FGD4: variants seen among roughly 807,000 people sequenced by gnomAD.
The protein encoded by FGD4 is FYVE, RhoGEF and PH domain containing 4, also known as FYVE, RhoGEF and PH domain-containing protein 4.
Under a neutral mutation model 102.0 loss-of-function variants are expected in FGD4, and 42 were observed. That is an observed-to-expected ratio of 0.41 (90% CI 0.32 to 0.53). The LOEUF is 0.53. Among genes scored for constraint, FGD4 ranks in the 20% least tolerant of loss-of-function variants. The probability of loss-of-function intolerance (pLI) is 0.21; values close to 1 mark genes in which losing one functional copy is unlikely to be tolerated. For missense variants in FGD4, 902 were observed against 1,078.2 expected (o/e 0.84, Z 2.29); for synonymous variants, 380 against 375.7 (o/e 1.01, Z -0.13).
intron 4 of FGD4, among the ~76,000 whole-genome samples, chr12:32,590,375 CTCTCTCTTTT>C (rs1433142890): frequency 6.6e-6 from 1 of 150,960 alleles, no homozygotes; most frequent in Non-Finnish European, 1.5e-5. Flanking sequence ...TTCTCTCTCT[CTCTCTCTTTT>C]TAATAATGTG....
At chr12:32,440,287 T>G (rs528249904) in intron 1 of FGD4, among the ~76,000 whole-genome samples, 7 of 152,348 alleles carry the variant, frequency 4.6e-5, no homozygotes, top group East Asian at 1.9e-4. Context: ...GTGCCCATCC[T>G]TCTTGGGAAG....
chr12:32,628,843 A>AG (rs1950333898), intron 14 of FGD4, among the ~76,000 whole-genome samples: 1 of 152,116 alleles, frequency 6.6e-6, no homozygotes, highest in Admixed American at 6.5e-5. Flanking sequence ...ATAACCAGAG[A>AG]GCTGGGCCTT....
At chr12:32,551,790 C>T (rs1054439476) in intron 1 of FGD4, among the ~76,000 whole-genome samples, 2 of 152,044 alleles carry the variant, frequency 1.3e-5, no homozygotes, top group African/African-American at 2.4e-5. Context: ...CAGTAATATG[C>T]GTGGAGTTCT....
rs563902330 is a variant in FGD4, at chr12:32,399,984, A to G, written c.166+25A>G. 2.1e-4 allele frequency: 298 copies of G among 1,435,136 alleles called. No individual in the cohort carries two copies. The African/African-American group carries it at 4.0e-3, about 19-fold the overall frequency. 88.9% of individuals were successfully genotyped at this position (1,435,136 alleles called of 1,614,324 possible). A position where few individuals can be genotyped will look rare whatever the true frequency, so the allele number is the denominator to read the frequency against. On this transcript the variant is annotated intron_variant, in intron 1 of 16. Coordinates refer to ENST00000534526, the MANE Select transcript of FGD4 (RefSeq NM_001370298.3). ...GGTAAGCGCCTCGGGGCGCGGGGGAAGGGTGGCCCCGGCGCGTAGGTGCGG... is the reference window on the plus strand; with the variant it reads ...GGTAAGCGCCTCGGGGCGCGGGGGAGGGGTGGCCCCGGCGCGTAGGTGCGG...
At chr12:32,589,588 C>A (rs981434033) in intron 4 of FGD4, among the ~76,000 whole-genome samples, 1 of 152,162 alleles carries the variant, frequency 6.6e-6, no homozygotes. Flanking sequence ...CTATAAAACT[C>A]AAAGGACTCT....
chr12:32,440,886 TC>T (rs1339911004), intron 1 of FGD4, among the ~76,000 whole-genome samples: 1 of 152,064 alleles, frequency 6.6e-6, no homozygotes, highest in Non-Finnish European at 1.5e-5. Flanking sequence ...TACTCTTCCC[TC>T]CCTTTTCCAA....
At chr12:32,525,982 C>T (rs1043486828) in intron 1 of FGD4, among the ~76,000 whole-genome samples, 5 of 152,230 alleles carry the variant, frequency 3.3e-5, no homozygotes, top group South Asian at 2.1e-4. Flanking sequence ...CTGTGCGGCC[C>T]GAGCCTCCGA....
At chr12:32,588,300 G>T (rs972352747) in intron 4 of FGD4, among the ~76,000 whole-genome samples, 3 of 152,294 alleles carry the variant, frequency 2.0e-5, no homozygotes, top group Non-Finnish European at 4.4e-5. Flanking sequence ...TATGGGCAAG[G>T]CACCGCAGTA....
chr12:32,543,040 C>T (rs79810594), intron 1 of FGD4, among the ~76,000 whole-genome samples: 1,715 of 152,272 alleles, frequency 0.011, 40 homozygotes, highest in African/African-American at 0.039. Flanking sequence ...AGATGCCAGT[C>T]ACAAGTCCCA....
chr12:32,574,631 A>C (rs1945985597), intron 2 of FGD4: 1 of 152,216 alleles, frequency 6.6e-6, no homozygotes, highest in Non-Finnish European at 1.5e-5. Context: ...TTGTATTGAA[A>C]GAGAATTAAG....
At chr12:32,494,778 G>A (rs1401861499) in intron 1 of FGD4, among the ~76,000 whole-genome samples, 2 of 152,212 alleles carry the variant, frequency 1.3e-5, no homozygotes, top group Admixed American at 1.3e-4. Flanking sequence ...AACCCAACCT[G>A]TGGGTTTGGA....
At chr12:32,402,076 G>C (rs1940694334) in intron 1 of FGD4, among the ~76,000 whole-genome samples, 1 of 131,712 alleles carries the variant, frequency 7.6e-6, no homozygotes, top group Admixed American at 7.7e-5. Flanking sequence ...CTAATTTTTT[G>C]TACTTTTAGT....
At chr12:32,590,409 A>G (rs1947380823) in intron 4 of FGD4, among the ~76,000 whole-genome samples, 1 of 151,890 alleles carries the variant, frequency 6.6e-6, no homozygotes, top group Non-Finnish European at 1.5e-5. Context: ...CTAGTGATAA[A>G]TTCCCTACTG....
At chr12:32,598,221 T>C (rs1204639886) in intron 4 of FGD4, among the ~76,000 whole-genome samples, 1 of 152,182 alleles carries the variant, frequency 6.6e-6, no homozygotes, top group Non-Finnish European at 1.5e-5. Flanking sequence ...AAGATAATGC[T>C]AGGAACTGAA....
intron 1 of FGD4, among the ~76,000 whole-genome samples, chr12:32,440,157 T>G (rs1591904769): frequency 6.6e-6 from 1 of 152,238 alleles, no homozygotes; most frequent in African/African-American, 2.4e-5. Flanking sequence ...TGGAGCTTTA[T>G]TTAGTTCATT....
In FGD4 at chr12:32,640,615, G is replaced by C; in HGVS notation, c.*82G>C. The C allele has an allele frequency of 6.3e-7, 1 of 1,595,486 alleles. No individual in the cohort carries two copies. The highest frequency in any genetic ancestry group is 8.6e-7 in the Non-Finnish European group (1 of 1,168,028). ...CCCAGCTCTTCTTACACATCTGCTAGCACTTTATGTTGAAAAATATAGGCC... is the reference window on the plus strand; with the variant it reads ...CCCAGCTCTTCTTACACATCTGCTACCACTTTATGTTGAAAAATATAGGCC... On this transcript the variant is annotated 3_prime_UTR_variant, in exon 17 of 17. Coordinates refer to ENST00000534526, the MANE Select transcript of FGD4 (RefSeq NM_001370298.3).
intron 1 of FGD4, among the ~76,000 whole-genome samples, chr12:32,481,613 G>A (rs1943768516): frequency 6.6e-6 from 1 of 152,116 alleles, no homozygotes; most frequent in African/African-American, 2.4e-5. Context: ...AGGAGATCAG[G>A]GGTTCAAGAC....
chr12:32,436,373 AAAGGCTTTGG>A (rs1942228436), intron 1 of FGD4, among the ~76,000 whole-genome samples: 1 of 152,198 alleles, frequency 6.6e-6, no homozygotes, highest in Admixed American at 6.5e-5. Flanking sequence ...CAAGGAGACA[AAAGGCTTTGG>A]AAGGAAAGAA....
chr12:32,620,048 T>C (rs1238566663), intron 11 of FGD4, among the ~76,000 whole-genome samples, 178 bp downstream of exon 11: 1 of 152,216 alleles, frequency 6.6e-6, no homozygotes, highest in African/African-American at 2.4e-5. Flanking sequence ...TCCCCTCTCT[T>C]GATTCCTCCA....
Sources: gnomAD v4.1 joint callset for allele counts (sites outside exome capture counted in the v4.1 genomes callset) on GRCh38, gnomAD v4.1.1 for gene constraint, MANE v1.5 for transcripts, NCBI Gene and HGNC (gene_info 2026-07-23, HGNC 2026-07-21) for gene names.